The following MYO5B variants were observed in gnomAD, a reference collection of about 807,000 sequenced individuals.
MYO5B encodes unconventional myosin-Vb.
In MYO5B, 143 loss-of-function variants were observed where a neutral mutation model predicts 229.3. That is an observed-to-expected ratio of 0.62 (90% CI 0.54 to 0.72). The LOEUF is 0.72. Among genes scored for constraint, MYO5B ranks in the 30% least tolerant of loss-of-function variants. The pLI is 0.00. For missense variants in MYO5B, 2,321 were observed against 2,331.0 expected (o/e 1.00, Z 0.09); for synonymous variants, 918 against 885.2 (o/e 1.04, Z -0.66).
intron 14 of MYO5B, among the ~76,000 whole-genome samples, chr18:49,945,760 A>AGG (rs773803848): frequency 0.28 from 29,959 of 106,790 alleles, 3,887 homozygotes; most frequent in African/African-American, 0.46. Context: ...GGAGGGGAGG[A>AGG]GGAGGAGGAG....
chr18:49,956,407 T>C (rs1388315857), intron 12 of MYO5B, among the ~76,000 whole-genome samples: 4 of 152,228 alleles, frequency 2.6e-5, no homozygotes, highest in Non-Finnish European at 5.9e-5. Flanking sequence ...GCAAAAGTAA[T>C]TGTGGCTTTT....
intron 17 of MYO5B, among the ~76,000 whole-genome samples, chr18:49,921,166 G>C (rs576106611): frequency 2.6e-5 from 4 of 151,354 alleles, no homozygotes; most frequent in Non-Finnish European, 5.9e-5. Flanking sequence ...GGAGAAGAAA[G>C]TTGAGGAAGA....
At chr18:50,025,544 C>T (rs2026321320) in intron 4 of MYO5B, among the ~76,000 whole-genome samples, 1 of 152,238 alleles carries the variant, frequency 6.6e-6, no homozygotes, top group Non-Finnish European at 1.5e-5. Context: ...TGTAACTGGT[C>T]TGTTACTGTG....
intron 1 of MYO5B, among the ~76,000 whole-genome samples, chr18:50,079,671 T>C (rs1241690227): frequency 6.6e-6 from 1 of 151,998 alleles, no homozygotes; most frequent in African/African-American, 2.4e-5. Flanking sequence ...CTCCAGCTCC[T>C]GGAAGAAGCC....
In MYO5B at chr18:49,906,435, C is replaced by G; in HGVS notation, c.2398G>C (p.Gly800Arg). ...ATLTLQRYCR[G>R]HLARRLAEHL... ...CTGGCTCACCTGCGGGCCAGGTGTC[C>G]CCGGCAGTACCTCTGCAGGGTTAAG... The change falls in exon 19 of 40, where the codon GGA becomes CGA. Residue 800 changes from glycine to arginine, a missense_variant. By Grantham distance (125) the Gly-to-Arg change is moderately radical (BLOSUM62 -2). Around this residue, in one of 2 missense-constraint regions of MYO5B, gnomAD observed 2,113 missense variants for 2,044.7 expected, o/e 1.03. Transcript: ENST00000285039. 5 of 1,614,062 alleles carry G rather than the reference C, an allele frequency of 3.1e-6. No individual in the cohort carries two copies. The highest frequency in any genetic ancestry group is 4.2e-6 in the Non-Finnish European group (5 of 1,180,002).
At chr18:49,927,202 T>C (rs1598887448) in intron 17 of MYO5B, among the ~76,000 whole-genome samples, 3 of 152,008 alleles carry the variant, frequency 2.0e-5, no homozygotes, top group Admixed American at 6.6e-5. Context: ...CAACAAAACA[T>C]TGCTGAAAGA....
chr18:49,829,219 C>T (rs1380200842), intron 39 of MYO5B, among the ~76,000 whole-genome samples: 4 of 151,696 alleles, frequency 2.6e-5, no homozygotes, highest in African/African-American at 9.7e-5. Context: ...GCTGGGATTA[C>T]AGGTGTGTGG....
At position 50,021,362 on chromosome 18, in the gene MYO5B, C is replaced by T. The variant is rs192164378; in HGVS notation, c.455+15488G>A. On this transcript the variant is annotated intron_variant, in intron 4 of 39. Transcript: ENST00000285039. ...ACAGCAAGAACCCTGGAGTAAGAGG[C>T]GGGAGAACCAGGTTCCAGCACTAGT... Among the ~76,000 whole-genome samples, 278 of 152,200 alleles carry T rather than the reference C, an allele frequency of 1.8e-3. 1 individual carries two copies. The highest frequency in any genetic ancestry group is 2.8e-3 in the Admixed American group (43 of 15,290).
At chr18:50,113,834 C>T (rs1375330695) in intron 1 of MYO5B, among the ~76,000 whole-genome samples, 5 of 152,180 alleles carry the variant, frequency 3.3e-5, no homozygotes, top group Admixed American at 2.6e-4. Context: ...ATCTCAAATG[C>T]TATTTTAAAG....
At chr18:49,903,614 C>G (rs2024868108) in intron 20 of MYO5B, among the ~76,000 whole-genome samples, 1 of 152,318 alleles carries the variant, frequency 6.6e-6, no homozygotes, top group Admixed American at 6.5e-5. Flanking sequence ...CCACCCTGAC[C>G]ACATTTTTAT....
At chr18:50,024,391 C>T (rs2144363115) in intron 4 of MYO5B, among the ~76,000 whole-genome samples, 1 of 152,326 alleles carries the variant, frequency 6.6e-6, no homozygotes, top group East Asian at 1.9e-4. Flanking sequence ...CTCTCTCCTT[C>T]TCTCTGCTAC....
intron 1 of MYO5B, among the ~76,000 whole-genome samples, chr18:50,188,913 G>C (rs921608799): frequency 2.0e-5 from 3 of 150,914 alleles, no homozygotes; most frequent in African/African-American, 7.3e-5. Flanking sequence ...CAAGTCACAA[G>C]TACAAACTTC....
intron 5 of MYO5B, 52 bp from the exon 6 acceptor site, chr18:49,992,483 T>C: frequency 6.2e-7 from 1 of 1,613,496 alleles, no homozygotes; most frequent in South Asian, 1.1e-5. Flanking sequence ...GCTTTCTTGA[T>C]TTCAGGATTG....
intron 1 of MYO5B, chr18:50,126,448 T>A (rs1252701537): frequency 1.3e-5 from 2 of 154,798 alleles, no homozygotes; most frequent in Non-Finnish European, 2.9e-5. Flanking sequence ...AAGTGAAGAA[T>A]GGAGCTAAGA....
chr18:49,877,436 C>T (rs1462883848), intron 25 of MYO5B, among the ~76,000 whole-genome samples: 1 of 152,234 alleles, frequency 6.6e-6, no homozygotes, highest in South Asian at 2.1e-4. Flanking sequence ...ATTTTAATGA[C>T]TTAGCTGTTC....
chr18:49,876,720 G>A (rs12962893), intron 25 of MYO5B, among the ~76,000 whole-genome samples: 40,352 of 152,122 alleles, frequency 0.27, 6,524 homozygotes, highest in Middle Eastern at 0.45. Flanking sequence ...TTAAAAGACC[G>A]CAATGCAAAG....
chr18:50,173,764 A>C (rs925106266), intron 1 of MYO5B, among the ~76,000 whole-genome samples: 1 of 152,144 alleles, frequency 6.6e-6, no homozygotes, highest in Non-Finnish European at 1.5e-5. Context: ...CAGGAATAGC[A>C]ACATACAAGC....
intron 18 of MYO5B, among the ~76,000 whole-genome samples, chr18:49,908,150 G>A (rs1480462766): frequency 6.6e-6 from 1 of 151,772 alleles, no homozygotes; most frequent in African/African-American, 2.4e-5. Context: ...TCCCTATTTC[G>A]GAAAAAAAAC....
chr18:49,942,089 G>C (rs1162888955), intron 14 of MYO5B, among the ~76,000 whole-genome samples: 1 of 146,274 alleles, frequency 6.8e-6, no homozygotes, highest in Non-Finnish European at 1.5e-5. Context: ...AACGGGGAAA[G>C]GATTCCCTAT....
Sources: allele counts gnomAD v4.1 joint callset (sites outside exome capture counted in the v4.1 genomes callset), GRCh38; gene constraint gnomAD v4.1.1; regional missense constraint gnomAD v4.1.1; transcripts MANE v1.5; gene names NCBI Gene and HGNC (gene_info 2026-07-23, HGNC 2026-07-21).